SOCS2: variants seen among roughly 807,000 people sequenced by gnomAD.
The protein encoded by SOCS2 is CIS-2.
SOCS2 carries 10 observed loss-of-function variants against 18.6 expected under a neutral mutation model. The observed-to-expected ratio is 0.54, with a 90% CI of 0.33 to 0.91. The LOEUF is 0.91. SOCS2 is among the 40% of genes least tolerant of loss of function. SOCS2 has a pLI of 0.02. For synonymous variants in SOCS2, 104 were observed against 104.0 expected, an observed-to-expected ratio of 1.00 and a Z score of 0.00; for missense variants, 231 against 247.2, an observed-to-expected ratio of 0.93 and a Z score of 0.44.
chr12:93,574,609 T>G, intron 1 of SOCS2, 113 bp from the exon 2 acceptor site: 4 of 688,090 alleles, frequency 5.8e-6, no homozygotes, highest in Non-Finnish European at 8.8e-6. Flanking sequence ...CACCTTTTTT[T>G]TTTTTCTTTT....
rs1359010248 is a variant in SOCS2 at position 93,576,706 on chromosome 12, A to G, written c.*1527A>G. 6.6e-6 allele frequency: 1 copy of G among 152,212 alleles called. No homozygotes were observed. Among genetic ancestry groups the G allele is most frequent in the Non-Finnish European group, 1.5e-5 (1 of 68,046 alleles). The allele number at this position is 152,212 out of a possible 1,614,324, so 9.4% of individuals were successfully genotyped here. ...TAAAGGTGGACCCTGTGTGAATGAGAAAATTCAGTTATAAATTGTAATAAA... is the reference window on the plus strand; with the variant it reads ...TAAAGGTGGACCCTGTGTGAATGAGGAAATTCAGTTATAAATTGTAATAAA... On this transcript the variant is annotated 3_prime_UTR_variant, in exon 2 of 2. Coordinates refer to ENST00000551556, the MANE Select transcript of SOCS2 (RefSeq NM_001270471.2).
chr12:93,603,631 G>A, the SOCS2 span, among the ~76,000 whole-genome samples: 1 of 152,066 alleles, frequency 6.6e-6, no homozygotes, highest in East Asian at 1.9e-4. Context: ...TTTTTTTAAA[G>A]CCATTAGATT....
chr12:93,615,887 A>T, the SOCS2 span, among the ~76,000 whole-genome samples: 1 of 152,174 alleles, frequency 6.6e-6, no homozygotes, highest in African/African-American at 2.4e-5. Flanking sequence ...TAAGCCACTG[A>T]GCCTGGCCTA....
the SOCS2 span, among the ~76,000 whole-genome samples, chr12:93,614,373 CTTTCTTTCTTT>C: frequency 1.1e-5 from 1 of 88,400 alleles, no homozygotes; most frequent in Non-Finnish European, 2.7e-5. Context: ...TTCTTTCTTT[CTTTCTTTCTTT>C]CTTTCTTTCT....
At chr12:93,614,478 CCTTTCCTT>C in the SOCS2 span, among the ~76,000 whole-genome samples, 30 of 49,410 alleles carry the variant, frequency 6.1e-4, 2 homozygotes, top group Admixed American at 9.5e-4. Flanking sequence ...TTCCTTCCTT[CCTTTCCTT>C]CCTTCCTTCC....
At chr12:93,623,831 A>G in the SOCS2 span, among the ~76,000 whole-genome samples, 1 of 152,052 alleles carries the variant, frequency 6.6e-6, no homozygotes, top group Admixed American at 6.5e-5. Flanking sequence ...CAGCCTCCCA[A>G]ATAGCTGGGA....
chr12:93,586,933 C>T (rs1378194237), downstream of SOCS2, among the ~76,000 whole-genome samples: 4 of 151,848 alleles, frequency 2.6e-5, no homozygotes, highest in African/African-American at 9.7e-5. Context: ...TTTGGGAGGC[C>T]GACACGGGTG....
At chr12:93,590,783 CAAAAAAAAAAAAAAAAA>C in the SOCS2 span, among the ~76,000 whole-genome samples, 103 of 38,938 alleles carry the variant, frequency 2.6e-3, no homozygotes, top group East Asian at 0.014. Flanking sequence ...GACTCCGCCT[CAAAAAAAAAAAAAAAAA>C]AAAAAAAAAA....
chr12:93,582,224 G>T (rs565151450), intron 1 of SOCS2, among the ~76,000 whole-genome samples: 1 of 152,312 alleles, frequency 6.6e-6, no homozygotes, highest in Admixed American at 6.5e-5. Context: ...TTGGCTGAAA[G>T]GTTGAAGAAG....
At chr12:93,578,967 T>C (rs925042694), downstream of SOCS2, among the ~76,000 whole-genome samples, 2 of 152,244 alleles carry the variant, frequency 1.3e-5, no homozygotes, top group African/African-American at 4.8e-5. Context: ...CTGAAAAATC[T>C]GCCTCTGCTG....
At chr12:93,611,113 G>A in the SOCS2 span, among the ~76,000 whole-genome samples, 6 of 152,270 alleles carry the variant, frequency 3.9e-5, no homozygotes, top group African/African-American at 1.4e-4. Flanking sequence ...GCCAGGAGAT[G>A]AACTTCTGGC....
At chr12:93,613,899 AAAG>A in the SOCS2 span, among the ~76,000 whole-genome samples, 1 of 152,208 alleles carries the variant, frequency 6.6e-6, no homozygotes, top group Non-Finnish European at 1.5e-5. Context: ...AAAAAAATAA[AAAG>A]AAATTTAAAG....
the SOCS2 span, among the ~76,000 whole-genome samples, chr12:93,611,340 C>T: frequency 1.4e-4 from 22 of 152,276 alleles, no homozygotes; most frequent in South Asian, 4.1e-3. Context: ...TTGGTTCAAG[C>T]GATTCTCCTG....
At chr12:93,571,883 AGGCGGC>A, upstream of SOCS2, 1 of 403,234 alleles carries the variant, frequency 2.5e-6, no homozygotes, top group Non-Finnish European at 4.8e-6. Flanking sequence ...CCTGGTGCGG[AGGCGGC>A]GGCGGCGGCC....
chr12:93,605,916 G>T, the SOCS2 span, among the ~76,000 whole-genome samples: 2 of 152,166 alleles, frequency 1.3e-5, no homozygotes, highest in African/African-American at 4.8e-5. Flanking sequence ...ATTAGACAGG[G>T]TATAGTTTCA....
At chr12:93,585,780 C>G (rs1035940813), downstream of SOCS2, among the ~76,000 whole-genome samples, 1 of 152,162 alleles carries the variant, frequency 6.6e-6, no homozygotes, top group Non-Finnish European at 1.5e-5. Context: ...ATTCATCCCT[C>G]AGTATCTTCA....
rs771913062 is a variant in SOCS2, at chr12:93,574,915, T to G, written c.333T>G (p.Cys111Trp). 7 of 1,614,242 alleles carry G rather than the reference T, an allele frequency of 4.3e-6. No homozygotes were observed. Among genetic ancestry groups the G allele is most frequent in the Non-Finnish European group, 5.9e-6 (7 of 1,180,048 alleles). The change falls in exon 2 of 2, where the codon TGT becomes TGG. Residue 111 changes from cysteine (C) to tryptophan (W), a missense_variant. By Grantham distance (215) the Cys-to-Trp change is radical. Transcript: ENST00000551556. ...DGKFRLDSIICVKSKLKQFDS... is the reference protein window; with the variant it reads ...DGKFRLDSIIWVKSKLKQFDS... Reference sequence around the variant, plus strand: ...AATTCAGATTGGACTCTATCATATGTGTCAAATCCAAGCTTAAACAATTTG... The same window carrying G: ...AATTCAGATTGGACTCTATCATATGGGTCAAATCCAAGCTTAAACAATTTG...
At chr12:93,598,780 C>T in the SOCS2 span, among the ~76,000 whole-genome samples, 2 of 152,308 alleles carry the variant, frequency 1.3e-5, no homozygotes, top group African/African-American at 4.8e-5. Flanking sequence ...CTCCTGTACA[C>T]AATTCTGCCA....
chr12:93,598,139 A>C, the SOCS2 span, among the ~76,000 whole-genome samples: 1 of 152,214 alleles, frequency 6.6e-6, no homozygotes, highest in Non-Finnish European at 1.5e-5. Context: ...GGGGATTGGC[A>C]GGGCACCGAG....
Sources: allele counts gnomAD v4.1 joint callset (sites outside exome capture counted in the v4.1 genomes callset), GRCh38; gene constraint gnomAD v4.1.1; transcripts MANE v1.5; gene names NCBI Gene and HGNC (gene_info 2026-07-23, HGNC 2026-07-21).